RAPGEF4: variants seen among roughly 807,000 people sequenced by gnomAD.
RAPGEF4 encodes RAP guanine-nucleotide-exchange factor (GEF) 4.
In RAPGEF4, 66 loss-of-function variants were observed where a neutral mutation model predicts 147.9. That is an observed-to-expected ratio of 0.45 (90% confidence interval 0.37 to 0.55). RAPGEF4 has a LOEUF of 0.55. Among genes scored for constraint, RAPGEF4 ranks in the 20% least tolerant of loss-of-function variants. The pLI, the probability that RAPGEF4 is intolerant of heterozygous loss-of-function variation, is 0.00. For missense variants in RAPGEF4, 1,071 were observed against 1,257.3 expected (o/e 0.85, Z 2.24); for synonymous variants, 419 against 442.7 (o/e 0.95, Z 0.67).
chr2:172,998,209 A>T (rs1267546119), intron 16 of RAPGEF4, among the ~76,000 whole-genome samples: 2 of 152,228 alleles, frequency 1.3e-5, no homozygotes, highest in Non-Finnish European at 2.9e-5. Context: ...CTAGAAAAGT[A>T]TCATGGAAAA....
chr2:172,737,721 AC>A (rs1332647173), intron 1 of RAPGEF4, among the ~76,000 whole-genome samples: 1 of 150,348 alleles, frequency 6.7e-6, no homozygotes, highest in East Asian at 1.9e-4. Context: ...AAAAAAAAAA[AC>A]CCTTCACAGA....
intron 10 of RAPGEF4, among the ~76,000 whole-genome samples, chr2:172,981,364 C>T (rs1308327627): frequency 1.3e-5 from 2 of 152,200 alleles, no homozygotes; most frequent in Non-Finnish European, 2.9e-5. Context: ...TTTTAAATCC[C>T]CAAGAGTCCC....
chr2:173,043,378 G>A (rs369737621), intron 29 of RAPGEF4, among the ~76,000 whole-genome samples: 41 of 152,292 alleles, frequency 2.7e-4, no homozygotes, highest in African/African-American at 8.9e-4. Flanking sequence ...GAGGCCTGAC[G>A]GTGAGGAGCC....
At chr2:172,826,956 C>G (rs1358036247) in intron 4 of RAPGEF4, among the ~76,000 whole-genome samples, 1 of 151,260 alleles carries the variant, frequency 6.6e-6, no homozygotes, top group Non-Finnish European at 1.5e-5. Flanking sequence ...CAGAGCAAGA[C>G]CCTTTCTCAA....
Position 172,988,924 on chromosome 2 carries a change from G to C in RAPGEF4, c.1374+85G>C. 3 of 1,437,888 alleles carry C rather than the reference G, an allele frequency of 2.1e-6. No homozygotes were observed. In the East Asian group the frequency reaches 6.9e-5, roughly 33 times the overall value. The allele number at this position is 1,437,888 out of a possible 1,614,324, so 89.1% of individuals were successfully genotyped here. On this transcript the variant is annotated intron_variant, in intron 14 of 30. Transcript: ENST00000397081. Reference sequence around the variant, plus strand: ...CAAAGCTTTGAGCATAGTCTTAATTGAGTAGTCCTGTGATGAATGAGTGCT... The same window carrying C: ...CAAAGCTTTGAGCATAGTCTTAATTCAGTAGTCCTGTGATGAATGAGTGCT...
chr2:172,772,235 C>A (rs1177777894), intron 1 of RAPGEF4, among the ~76,000 whole-genome samples: 5 of 151,968 alleles, frequency 3.3e-5, no homozygotes, highest in African/African-American at 7.2e-5. Flanking sequence ...AAGACTCTGT[C>A]TCAAAGATAA....
rs536382136 is a variant in RAPGEF4 at position 172,893,048 on chromosome 2, A to G, written c.445-24754A>G. On this transcript the variant is annotated intron_variant, in intron 4 of 30. Transcript: ENST00000397081. ...TTATGTATTGATCTATGCAGTAAAC[A>G]TTTCCAAAAGCCCCCTTCTGTCGGG... Among the ~76,000 whole-genome samples the G allele has an allele frequency of 2.6e-5, 4 of 152,352 alleles. No homozygotes were observed. In the South Asian group the frequency reaches 6.2e-4, roughly 24 times the overall value.
chr2:173,046,611 A>G (rs966283089), intron 29 of RAPGEF4, among the ~76,000 whole-genome samples: 1 of 152,228 alleles, frequency 6.6e-6, no homozygotes, highest in Non-Finnish European at 1.5e-5. Flanking sequence ...CTTAAAAGTA[A>G]ATTAGCAGGG....
At chr2:173,017,818 A>C (rs1215340326) in intron 21 of RAPGEF4, among the ~76,000 whole-genome samples, 1 of 152,150 alleles carries the variant, frequency 6.6e-6, no homozygotes, top group Admixed American at 6.5e-5. Context: ...GTGGGAAGGT[A>C]GCTGGCGCCT....
At chr2:172,790,659 C>T (rs2149533415) in intron 1 of RAPGEF4, among the ~76,000 whole-genome samples, 1 of 152,356 alleles carries the variant, frequency 6.6e-6, no homozygotes, top group African/African-American at 2.4e-5. Flanking sequence ...AAGCATGCCA[C>T]TACCCTGCTT....
chr2:173,032,745 C>T (rs764875507), intron 26 of RAPGEF4, among the ~76,000 whole-genome samples: 2 of 151,986 alleles, frequency 1.3e-5, no homozygotes, highest in Non-Finnish European at 2.9e-5. Context: ...GAAACAAAAT[C>T]GGGGTTTTAC....
At chr2:173,014,043 A>G (rs1204342480) in intron 17 of RAPGEF4, among the ~76,000 whole-genome samples, 2 of 152,160 alleles carry the variant, frequency 1.3e-5, no homozygotes, top group Non-Finnish European at 2.9e-5. Context: ...TGCATGTAAC[A>G]AAGGGGATTA....
chr2:172,818,097 A>G (rs911567177), intron 4 of RAPGEF4, among the ~76,000 whole-genome samples: 5 of 151,770 alleles, frequency 3.3e-5, no homozygotes, highest in African/African-American at 1.2e-4. Context: ...AGAAAACCAA[A>G]CATCATATGT....
chr2:172,972,396 G>A (rs886682003), intron 10 of RAPGEF4, among the ~76,000 whole-genome samples: 9 of 152,178 alleles, frequency 5.9e-5, no homozygotes, highest in Admixed American at 5.9e-4. Context: ...TTTCTGCTGG[G>A]ATGTGTCAAG....
At chr2:173,022,389 G>A (rs1351915436) in intron 23 of RAPGEF4, among the ~76,000 whole-genome samples, 2 of 152,256 alleles carry the variant, frequency 1.3e-5, no homozygotes, top group Admixed American at 6.5e-5. Context: ...CCCTGGGCAT[G>A]AACTTCTTCC....
intron 4 of RAPGEF4, among the ~76,000 whole-genome samples, chr2:172,854,925 T>C (rs924954659): frequency 6.6e-5 from 10 of 152,166 alleles, no homozygotes; most frequent in Non-Finnish European, 1.5e-4. Context: ...ATGCAAAAAT[T>C]GCTTGTAAAC....
Position 173,000,300 on chromosome 2 carries a change from T to C in RAPGEF4, c.1580-966T>C, listed in dbSNP as rs555000289. On this transcript the variant is annotated intron_variant, in intron 16 of 30. Coordinates refer to ENST00000397081, the MANE Select transcript of RAPGEF4 (RefSeq NM_007023.4). ...CTCAGACTTCACCAATAAAATTTCA[T>C]TAAAAACATGGACAACATTTGGCAA... Among the ~76,000 whole-genome samples the C allele has an allele frequency of 9.1e-4, 138 of 152,320 alleles. 1 individual carries two copies. The highest frequency in any genetic ancestry group is 3.3e-3 in the African/African-American group (137 of 41,576).
At chr2:172,901,336 A>T (rs901922393) in intron 4 of RAPGEF4, among the ~76,000 whole-genome samples, 9 of 152,182 alleles carry the variant, frequency 5.9e-5, no homozygotes, top group Admixed American at 5.9e-4. Flanking sequence ...TTTTGTTTTT[A>T]TTGGTATCAA....
chr2:172,921,469 T>G (rs1445744340), intron 5 of RAPGEF4, among the ~76,000 whole-genome samples: 1 of 152,168 alleles, frequency 6.6e-6, no homozygotes, highest in Non-Finnish European at 1.5e-5. Context: ...TTACTCAGAA[T>G]TTGGATTATT....
Sources: gnomAD v4.1 joint callset for allele counts (sites outside exome capture counted in the v4.1 genomes callset) on GRCh38, gnomAD v4.1.1 for gene constraint, MANE v1.5 for transcripts, NCBI Gene and HGNC (gene_info 2026-07-23, HGNC 2026-07-21) for gene names.